KANK4: variants seen among roughly 807,000 people sequenced by gnomAD.
The protein encoded by KANK4 is KN motif and ankyrin repeat domains 4, also known as KN motif and ankyrin repeat domain-containing protein 4.
Under a neutral mutation model 80.8 loss-of-function variants are expected in KANK4, and 50 were observed. That is an observed-to-expected ratio of 0.62 (90% confidence interval 0.49 to 0.78). The LOEUF is 0.78. Among genes scored for constraint, KANK4 ranks in the 30% least tolerant of loss-of-function variants. The pLI, the probability that KANK4 is intolerant of heterozygous loss-of-function variation, is 0.00. For synonymous variants in KANK4, 465 were observed against 506.9 expected (o/e 0.92, Z 1.11); for missense variants, 1,196 against 1,240.1 (o/e 0.96, Z 0.53).
chr1:62,238,935 T>C (rs568444714), intron 9 of KANK4, among the ~76,000 whole-genome samples: 2 of 152,124 alleles, frequency 1.3e-5, no homozygotes, highest in Non-Finnish European at 2.9e-5. Context: ...CAGCCCCACT[T>C]TTTTCTACTT....
intron 1 of KANK4, among the ~76,000 whole-genome samples, chr1:62,282,665 G>A (rs998433852): frequency 4.6e-5 from 7 of 152,200 alleles, no homozygotes; most frequent in Admixed American, 4.6e-4. Context: ...AGAGAGAAAT[G>A]CCAAAGTTTG....
At position 62,273,662 on chromosome 1, in the gene KANK4, T is replaced by G. The variant is rs781737543; in HGVS notation, c.1442A>C (p.Gln481Pro). The G allele has an allele frequency of 6.2e-7, 1 of 1,614,176 alleles. No homozygotes were observed. The highest frequency in any genetic ancestry group is 8.5e-7 in the Non-Finnish European group (1 of 1,180,016). ...GGAGGTAAGGACCTGCTCGGGTCCC[T>G]GTGGCAGTGACAGCTGGGGCAGAAG... ...RVLLPQLSLP[Q>P]GPEQVLTSSV... The change falls in exon 3 of 10, where the codon CAG becomes CCG. Residue 481 changes from glutamine (Q) to proline (P), a missense_variant. Transcript: ENST00000371153.
At chr1:62,246,589 CATTT>C (rs922476149) in intron 9 of KANK4, among the ~76,000 whole-genome samples, 2 of 152,034 alleles carry the variant, frequency 1.3e-5, no homozygotes, top group African/African-American at 2.4e-5. Context: ...TGAATCATCT[CATTT>C]ATTTATTTAT....
At chr1:62,266,492 TCACA>T (rs1393025825) in intron 6 of KANK4, among the ~76,000 whole-genome samples, 1 of 142,138 alleles carries the variant, frequency 7.0e-6, no homozygotes, top group Admixed American at 7.0e-5. Context: ...CACCACTGCC[TCACA>T]CACACACCAC....
At chr1:62,304,102 T>C (rs748271405) in intron 1 of KANK4, among the ~76,000 whole-genome samples, 5 of 152,064 alleles carry the variant, frequency 3.3e-5, no homozygotes, top group Non-Finnish European at 7.4e-5. Context: ...CTTGAACTCC[T>C]GACCTCAAGT....
chr1:62,292,450 T>C (rs1029413556), intron 1 of KANK4, among the ~76,000 whole-genome samples: 1 of 152,134 alleles, frequency 6.6e-6, no homozygotes, highest in Non-Finnish European at 1.5e-5. Context: ...TATTTCCCCA[T>C]ATTACCTATT....
In KANK4 at chr1:62,299,959, A is replaced by G. The variant is rs1418373716; in HGVS notation, c.-70-18325T>C. On this transcript the variant is annotated intron_variant, in intron 1 of 9. Transcript: ENST00000371153. ...GGCGTTTTGGGCCCAGCCCCTCGGC[A>G]TGTGTGTGCAGCCTGCAGCCTGTCC... is the stretch of plus-strand genomic sequence containing the variant. Among the ~76,000 whole-genome samples the G allele has an allele frequency of 2.0e-5, 3 of 152,150 alleles. No individual in the cohort carries two copies. In the East Asian group the frequency reaches 5.8e-4, roughly 29 times the overall value.
intron 1 of KANK4, among the ~76,000 whole-genome samples, chr1:62,297,150 G>T (rs1203334910): frequency 6.6e-6 from 1 of 152,106 alleles, no homozygotes; most frequent in Non-Finnish European, 1.5e-5. Context: ...CCGGGAGACG[G>T]AGGTTACAGT....
At chr1:62,251,941 G>A (rs1382902434) in intron 8 of KANK4, among the ~76,000 whole-genome samples, 12 of 148,248 alleles carry the variant, frequency 8.1e-5, no homozygotes, top group African/African-American at 2.2e-4. Flanking sequence ...GCGGTGAGCC[G>A]AGATCAAGCC....
At chr1:62,262,661 T>C (rs965914831) in intron 7 of KANK4, among the ~76,000 whole-genome samples, 1 of 152,112 alleles carries the variant, frequency 6.6e-6, no homozygotes, top group Non-Finnish European at 1.5e-5. Context: ...ATACATACAT[T>C]CCACGGAATA....
chr1:62,309,658 T>C (rs1239880316), intron 1 of KANK4, among the ~76,000 whole-genome samples: 1 of 152,198 alleles, frequency 6.6e-6, no homozygotes, highest in African/African-American at 2.4e-5. Flanking sequence ...TGGGTAACCC[T>C]ATAATACAAT....
chr1:62,254,237 A>G (rs2149125322), intron 7 of KANK4, among the ~76,000 whole-genome samples: 2 of 152,272 alleles, frequency 1.3e-5, no homozygotes, highest in South Asian at 4.1e-4. Flanking sequence ...GAAACCTAGC[A>G]TTATTTGTTT....
Position 62,274,519 on chromosome 1 carries a change from A to C in KANK4, c.585T>G (p.Gly195=), listed in dbSNP as rs934497159. Reference sequence around the variant, plus strand: ...AGGTGCCATCACAGACACTGCCTTCACCCTGAAGGGGAGGGAGGGCAGGAG... The same window carrying C: ...AGGTGCCATCACAGACACTGCCTTCCCCCTGAAGGGGAGGGAGGGCAGGAG... ...PAPPALPPLQ[G]EGSVCDGTFE... Residue 195 remains glycine (G), a synonymous_variant, in exon 3 of 10, where the codon GGT becomes GGG. Transcript: ENST00000371153. 4 of 1,613,970 alleles carry C rather than the reference A, an allele frequency of 2.5e-6. No individual in the cohort carries two copies. In the African/African-American group the frequency reaches 5.3e-5, roughly 22 times the overall value.
At chr1:62,300,105 A>T (rs910412265) in intron 1 of KANK4, among the ~76,000 whole-genome samples, 13 of 152,228 alleles carry the variant, frequency 8.5e-5, no homozygotes, top group Admixed American at 7.8e-4. Flanking sequence ...TGCTGCTGAA[A>T]GTCCCCCTCC....
chr1:62,302,297 G>A (rs1223186923), intron 1 of KANK4, among the ~76,000 whole-genome samples: 2 of 152,074 alleles, frequency 1.3e-5, no homozygotes, highest in African/African-American at 4.8e-5. Flanking sequence ...GAAGCCGAGG[G>A]AGAAGGATGG....
chr1:62,296,588 G>A (rs1450245272), intron 1 of KANK4, among the ~76,000 whole-genome samples: 3 of 152,042 alleles, frequency 2.0e-5, no homozygotes, highest in African/African-American at 7.2e-5. Context: ...GTCTCGCTCT[G>A]ACACCCCGTC....
Position 62,274,443 on chromosome 1 carries a change from A to G in KANK4, c.661T>C (p.Ser221Pro), listed in dbSNP as rs565154704. The change falls in exon 3 of 10, where the codon TCA (serine) becomes CCA (proline). Residue 221 changes from serine (S) to proline (P), a missense_variant. Transcript: ENST00000371153. ...AGFHSSSPRASTRIPELVQEG... is the reference protein window; with the variant it reads ...AGFHSSSPRAPTRIPELVQEG... ...TGGACCAGCTCTGGAATCCGAGTTG[A>G]TGCTCGTGGGCTGGAGCTGTGGAAA... 8 of 1,614,174 alleles carry G rather than the reference A, an allele frequency of 5.0e-6. No individual in the cohort carries two copies. In the South Asian group the frequency reaches 8.8e-5, roughly 18 times the overall value.
Position 62,273,358 on chromosome 1 carries a change from G to A in KANK4, c.1746C>T (p.Tyr582=), listed in dbSNP as rs1672213856. The A allele has an allele frequency of 2.5e-6, 4 of 1,608,026 alleles. No individual in the cohort carries two copies. The South Asian group carries it at 3.3e-5, about 13-fold the overall frequency. Residue 582 remains tyrosine, a synonymous_variant, in exon 3 of 10, where the codon TAC becomes TAT. Coordinates refer to ENST00000371153, the MANE Select transcript of KANK4 (RefSeq NM_181712.5). ...QEQWNCLEHG[Y]PELASAIKQP... The stretch of plus-strand genomic sequence containing the variant: ...GCTTGATGGCGCTGGCCAGCTCCGG[G>A]TACCCATGCTCCAGGCAGTTCCACT...
intron 1 of KANK4, among the ~76,000 whole-genome samples, chr1:62,314,254 T>C (rs1250341308): frequency 1.3e-5 from 2 of 152,164 alleles, no homozygotes; most frequent in African/African-American, 4.8e-5. Flanking sequence ...CCTCAGGTGA[T>C]TGGCCTGCCT....
Sources: gnomAD v4.1 joint callset for allele counts (sites outside exome capture counted in the v4.1 genomes callset) on GRCh38, gnomAD v4.1.1 for gene constraint, MANE v1.5 for transcripts, NCBI Gene and HGNC (gene_info 2026-07-23, HGNC 2026-07-21) for gene names.